EYS: variants seen among roughly 807,000 people sequenced by gnomAD.
EYS encodes the protein protein eyes shut homolog.
A neutral mutation model predicts 282.1 loss-of-function variants in EYS; 250 were observed. That is an observed-to-expected ratio of 0.89 (90% CI 0.80 to 0.98). The LOEUF is 0.98. Ranked by LOEUF, EYS falls within the 50% of genes least tolerant of loss-of-function variation. The pLI is 0.00. For synonymous variants in EYS, 1,355 were observed against 1,282.9 expected (o/e 1.06, Z -1.20); for missense variants, 4,016 against 3,709.0 (o/e 1.08, Z -2.15).
At chr6:65,473,462 T>C (rs1765289400) in intron 5 of EYS, among the ~76,000 whole-genome samples, 2 of 151,900 alleles carry the variant, frequency 1.3e-5, no homozygotes, top group African/African-American at 2.4e-5. Context: ...ACTGTATTTT[T>C]AAAGCTATAA....
Position 64,019,864 on chromosome 6 carries a change from A to ACACT in EYS, c.6726-20682_6726-20681insAGTG, listed in dbSNP as rs1205334490. Among the ~76,000 whole-genome samples, 814 of 147,564 alleles carry ACACT rather than the reference A, an allele frequency of 5.5e-3. 10 individuals carry two copies. The highest frequency in any genetic ancestry group is 0.019 in the African/African-American group (755 of 40,424). On this transcript the variant is annotated intron_variant, in intron 33 of 42. Coordinates refer to ENST00000503581, the MANE Select transcript of EYS (RefSeq NM_001142800.2). ...TGTATATATAAGTATATATATATAT[A>ACACT]TATACTTACATATATAAGTGTATAT...
intron 22 of EYS, among the ~76,000 whole-genome samples, chr6:64,689,311 G>T (rs924827654): frequency 4.6e-5 from 7 of 152,112 alleles, no homozygotes; most frequent in Non-Finnish European, 8.8e-5. Context: ...ACTGCTCAAT[G>T]AAGTAAAAGA....
intron 5 of EYS, among the ~76,000 whole-genome samples, chr6:65,478,107 T>C (rs918198061): frequency 1.3e-5 from 2 of 152,250 alleles, no homozygotes; most frequent in Admixed American, 1.3e-4. Flanking sequence ...TCAAGAACTT[T>C]GCAAATCAGT....
At chr6:65,271,876 A>G (rs1003594358) in intron 12 of EYS, among the ~76,000 whole-genome samples, 2 of 152,128 alleles carry the variant, frequency 1.3e-5, no homozygotes, top group African/African-American at 4.8e-5. Flanking sequence ...GAGCCACTGC[A>G]CCCAGCACCA....
Position 63,720,709 on chromosome 6 carries a change from A to C in EYS, c.9322T>G (p.Phe3108Val). 1 of 1,548,758 alleles carries C rather than the reference A, an allele frequency of 6.5e-7. No homozygotes were observed. Among genetic ancestry groups the C allele is most frequent in the Non-Finnish European group, 8.7e-7 (1 of 1,145,862 alleles). Reference protein sequence around the residue: ...IVTQEIFKTNFVGKIKDVVFF... With the variant: ...IVTQEIFKTNVVGKIKDVVFF... ...ACAACATCTTTAATTTTGCCAACAAAATTGGTTTTAAAAATCTCTTGAGTA... is the reference window on the plus strand; with the variant it reads ...ACAACATCTTTAATTTTGCCAACAACATTGGTTTTAAAAATCTCTTGAGTA... The change falls in exon 43 of 43, where the codon TTT (phenylalanine) becomes GTT (valine). Residue 3108 changes from phenylalanine (F) to valine (V), a missense_variant. Transcript: ENST00000503581.
chr6:63,988,994 T>C (rs1767492549), intron 34 of EYS, among the ~76,000 whole-genome samples: 1 of 151,638 alleles, frequency 6.6e-6, no homozygotes, highest in Non-Finnish European at 1.5e-5. Flanking sequence ...TGTTTTAATT[T>C]AAATTTAGAT....
chr6:65,236,744 T>C (rs548359555), intron 12 of EYS, among the ~76,000 whole-genome samples: 5 of 152,140 alleles, frequency 3.3e-5, no homozygotes, highest in Admixed American at 1.3e-4. Flanking sequence ...GAAACTTTCA[T>C]GTACTATGAC....
intron 36 of EYS, among the ~76,000 whole-genome samples, chr6:63,839,886 T>G (rs1413306100): frequency 6.6e-6 from 1 of 152,184 alleles, no homozygotes; most frequent in Non-Finnish European, 1.5e-5. Flanking sequence ...TTTTTCCTAT[T>G]TTTGATAATA....
At chr6:64,682,987 A>G (rs1769955174) in intron 22 of EYS, among the ~76,000 whole-genome samples, 1 of 152,126 alleles carries the variant, frequency 6.6e-6, no homozygotes, top group Non-Finnish European at 1.5e-5. Flanking sequence ...CCAGCTCCTT[A>G]ACTAATACAG....
intron 34 of EYS, among the ~76,000 whole-genome samples, chr6:63,990,723 TG>T (rs1767566398): frequency 6.6e-6 from 1 of 151,628 alleles, no homozygotes; most frequent in Non-Finnish European, 1.5e-5. Flanking sequence ...AATGGCTTTT[TG>T]GGGGCTTCTG....
intron 42 of EYS, among the ~76,000 whole-genome samples, chr6:63,724,351 A>G (rs899584396): frequency 1.3e-5 from 2 of 152,340 alleles, no homozygotes; most frequent in South Asian, 2.1e-4. Flanking sequence ...CAGAATCAGC[A>G]TATCAGGGGA....
chr6:64,392,767 T>G (rs1390777689), intron 28 of EYS, among the ~76,000 whole-genome samples: 1 of 148,750 alleles, frequency 6.7e-6, no homozygotes, highest in Non-Finnish European at 1.5e-5. Context: ...AGGCAAGAAA[T>G]AACTAAAATC....
At chr6:65,220,661 G>T (rs1172233451) in intron 12 of EYS, among the ~76,000 whole-genome samples, 4 of 152,154 alleles carry the variant, frequency 2.6e-5, no homozygotes, top group Non-Finnish European at 4.4e-5. Flanking sequence ...GTAGAGTGGG[G>T]TGCTGCTGTA....
chr6:64,149,690 T>C (rs1774636765), intron 31 of EYS, among the ~76,000 whole-genome samples: 1 of 152,162 alleles, frequency 6.6e-6, no homozygotes, highest in Non-Finnish European at 1.5e-5. Flanking sequence ...ATAGAGAGGT[T>C]AAGTAACTCG....
At chr6:65,599,296 C>A (rs865961485) in intron 2 of EYS, among the ~76,000 whole-genome samples, 99 of 152,222 alleles carry the variant, frequency 6.5e-4, no homozygotes, top group African/African-American at 2.3e-3. Context: ...CTGTATATCT[C>A]TTCTGGACTC....
chr6:64,858,831 G>A (rs768977924), intron 19 of EYS, among the ~76,000 whole-genome samples: 3 of 152,098 alleles, frequency 2.0e-5, no homozygotes, highest in Non-Finnish European at 4.4e-5. Flanking sequence ...TAAAGGGAAT[G>A]TACCTCAACA....
At chr6:64,839,989 T>A (rs1765513319) in intron 19 of EYS, among the ~76,000 whole-genome samples, 1 of 152,068 alleles carries the variant, frequency 6.6e-6, no homozygotes, top group Non-Finnish European at 1.5e-5. Flanking sequence ...AGCATATGCA[T>A]ATGGACATAT....
At chr6:64,796,429 A>C (rs979440246) in intron 22 of EYS, among the ~76,000 whole-genome samples, 1 of 152,156 alleles carries the variant, frequency 6.6e-6, no homozygotes, top group African/African-American at 2.4e-5. Context: ...AGGGGAGAGG[A>C]TATAAGACAG....
intron 5 of EYS, among the ~76,000 whole-genome samples, chr6:65,437,946 T>G (rs1229964578): frequency 6.6e-6 from 1 of 151,904 alleles, no homozygotes; most frequent in African/African-American, 2.4e-5. Context: ...CATGTTGGTG[T>G]GCTGCACCCA....
Sources: gnomAD v4.1 joint callset for allele counts (sites outside exome capture counted in the v4.1 genomes callset) on GRCh38, gnomAD v4.1.1 for gene constraint, MANE v1.5 for transcripts, NCBI Gene and HGNC (gene_info 2026-07-23, HGNC 2026-07-21) for gene names.